Variants in PXN observed in about 807,000 individuals in gnomAD.
PXN encodes the protein testicular tissue protein Li 134.
Under a neutral mutation model 103.6 loss-of-function variants are expected in PXN, and 61 were observed. The observed-to-expected ratio is 0.59, with a 90% CI of 0.48 to 0.73. PXN has a LOEUF of 0.73. Among genes scored for constraint, PXN ranks in the 30% least tolerant of loss-of-function variants. The pLI is 0.00. For missense variants in PXN, 1,274 were observed against 1,460.3 expected, an observed-to-expected ratio of 0.87 and a Z score of 2.08; for synonymous variants, 562 against 607.8, an observed-to-expected ratio of 0.92 and a Z score of 1.11.
At position 120,215,898 on chromosome 12, in the gene PXN, G is replaced by T. The variant is rs763413151; in HGVS notation, c.2302-237C>A. The T allele has an allele frequency of 2.3e-5, 32 of 1,380,450 alleles. No homozygotes were observed. The highest frequency in any genetic ancestry group is 2.9e-5 in the Non-Finnish European group (31 of 1,061,380). The allele number at this position is 1,380,450 out of a possible 1,614,324, so 85.5% of individuals were successfully genotyped here. ...ACCAAAGGCAGAGGAAATGGCAAGG[G>T]GAGGTGGCCGGGCTCAGTGATGAGG... is the stretch of plus-strand genomic sequence containing the variant. On this transcript the variant is annotated intron_variant, in intron 9 of 14. Transcript: ENST00000637617. This position sits in a 1 kb window ranked among gnomAD's most constrained non-coding sequence, Gnocchi z 4.9.
chr12:120,221,835 C>T lies in PXN; in HGVS notation c.696-77G>A. The T allele has an allele frequency of 6.8e-7, 1 of 1,480,228 alleles. No homozygotes were observed. Among genetic ancestry groups the T allele is most frequent in the Non-Finnish European group, 9.0e-7 (1 of 1,111,570 alleles). 91.7% of individuals were successfully genotyped at this position (1,480,228 alleles called of 1,614,324 possible). On this transcript the variant is annotated intron_variant, in intron 5 of 14. Coordinates refer to ENST00000637617, the MANE Select transcript of PXN (RefSeq NM_001385981.1). This position sits in a 1 kb window ranked among gnomAD's most constrained non-coding sequence, Gnocchi z 6.6. ...CCCGGGGATCAGATCGACCTCTCAC[C>T]TCGGACACTGGGGTCTCACCATCCC...
chr12:120,216,840 C>A lies in PXN; in HGVS notation c.1992+1G>T. The A allele has an allele frequency of 6.5e-7, 1 of 1,533,810 alleles. No homozygotes were observed. Among genetic ancestry groups the A allele is most frequent in the Non-Finnish European group, 8.7e-7 (1 of 1,152,060 alleles). On this transcript the variant is annotated splice_donor_variant, in intron 8 of 14. Coordinates refer to ENST00000637617, the MANE Select transcript of PXN (RefSeq NM_001385981.1). LOFTEE classifies it high-confidence loss of function. The surrounding 1 kb of genome is among the most constrained non-coding windows in gnomAD (Gnocchi z 5.1). ...CCCAGCCATGGGCATCTCCTCGCCA[C>A]CTTCTCTACGAGCTGCCCCCCGGCC...
At position 120,222,423 on chromosome 12, in the gene PXN, C is replaced by T. The variant is rs902845222; in HGVS notation, c.695+126G>A. 6 of 1,100,478 alleles carry T rather than the reference C, an allele frequency of 5.5e-6. No individual in the cohort carries two copies. The Admixed American group carries it at 1.7e-4, about 31-fold the overall frequency. The allele number at this position is 1,100,478 out of a possible 1,614,324, so 68.2% of individuals were successfully genotyped here. On this transcript the variant is annotated intron_variant, in intron 5 of 14. Coordinates refer to ENST00000637617, the MANE Select transcript of PXN (RefSeq NM_001385981.1). The surrounding 1 kb of genome is among the most constrained non-coding windows in gnomAD (Gnocchi z 4.7). ...GTCCATGTGACTCACCACTATCCCC[C>T]CAGTGCCTGGCAAATGGCAGACACG...
rs896881412 is a variant in PXN, at chr12:120,211,574, C to T, written c.*740G>A. ...TATAGAGAAGTAAAAGCAACTCAGG[C>T]GATATGAATTCAAACCTCAGTGTAG... On this transcript the variant is annotated 3_prime_UTR_variant, in exon 15 of 15. Coordinates refer to ENST00000637617, the MANE Select transcript of PXN (RefSeq NM_001385981.1). 4.8e-5 allele frequency: 10 copies of T among 209,322 alleles called. No homozygotes were observed. The highest frequency in any genetic ancestry group is 2.3e-4 in the African/African-American group (10 of 44,016). 13.0% of individuals were successfully genotyped at this position (209,322 alleles called of 1,614,324 possible).
chr12:120,216,012 C>A lies in PXN; in HGVS notation c.2301+261G>T. On this transcript the variant is annotated intron_variant, in intron 9 of 14. Transcript: ENST00000637617. This position sits in a 1 kb window ranked among gnomAD's most constrained non-coding sequence, Gnocchi z 5.1. Reference sequence around the variant, plus strand: ...AGTGGCTTCTTTCCTCGATGGGAGCCCGGGGCAGTACTGAGGACCAGTCGA... The same window carrying A: ...AGTGGCTTCTTTCCTCGATGGGAGCACGGGGCAGTACTGAGGACCAGTCGA... The A allele has an allele frequency of 7.4e-7, 1 of 1,357,728 alleles. No individual in the cohort carries two copies. Among genetic ancestry groups the A allele is most frequent in the Non-Finnish European group, 9.5e-7 (1 of 1,056,718 alleles). 84.1% of individuals were successfully genotyped at this position (1,357,728 alleles called of 1,614,324 possible). A position where few individuals can be genotyped will look rare whatever the true frequency, so the allele number is the denominator to read the frequency against.
chr12:120,220,063 G>A lies in PXN; in HGVS notation c.860C>T (p.Ala287Val). Residue 287 changes from alanine to valine, a missense_variant, in exon 7 of 15, where the codon GCC becomes GTC. Ala to Val is a moderately conservative substitution (Grantham distance 64). This residue lies in a region of PXN where 1,178 missense variants were observed against 1,309.0 expected (regional missense o/e 0.90). Transcript: ENST00000637617. This position sits in a 1 kb window ranked among gnomAD's most constrained non-coding sequence, Gnocchi z 6.1. The stretch of plus-strand genomic sequence containing the variant: ...CGGAGCAGAGCTGGACAGCCCCGGG[G>A]CACTCAGAGCCACAGTGGAGGAGCT... ...KTSSSTVALS[A>V]PGLSSSAPSS... The A allele has an allele frequency of 1.5e-6, 2 of 1,379,106 alleles. No homozygotes were observed. The highest frequency in any genetic ancestry group is 2.0e-6 in the Non-Finnish European group (2 of 1,014,082). The allele number at this position is 1,379,106 out of a possible 1,614,324, so 85.4% of individuals were successfully genotyped here.
intron 1 of PXN, among the ~76,000 whole-genome samples, chr12:120,244,830 T>C (rs546042398): frequency 2.7e-5 from 4 of 150,066 alleles, no homozygotes; most frequent in East Asian, 2.0e-4. Flanking sequence ...TCAAAACAAA[T>C]AAATAAATAA....
At chr12:120,254,658 C>A (rs555151396) in intron 1 of PXN, among the ~76,000 whole-genome samples, 1 of 152,138 alleles carries the variant, frequency 6.6e-6, no homozygotes, top group Admixed American at 6.6e-5. Flanking sequence ...TCAAGAGATT[C>A]TCCTGCCTCA....
intron 1 of PXN, among the ~76,000 whole-genome samples, chr12:120,246,254 C>T (rs771078791): frequency 2.6e-5 from 4 of 151,200 alleles, no homozygotes; most frequent in Non-Finnish European, 3.0e-5. Flanking sequence ...AGGCTGGGCA[C>T]AGTGGCTCAT....
Position 120,211,738 on chromosome 12 carries a change from G to A in PXN, c.*576C>T. Reference sequence around the variant, plus strand: ...AAGGGGAGGGCGGGTCTAAAAGGCAGGGGCAGTCGCCAGGCCTAGGGCACT... The same window carrying A: ...AAGGGGAGGGCGGGTCTAAAAGGCAAGGGCAGTCGCCAGGCCTAGGGCACT... On this transcript the variant is annotated 3_prime_UTR_variant, in exon 15 of 15. Transcript: ENST00000637617. 5.7e-6 allele frequency: 2 copies of A among 350,702 alleles called. No individual in the cohort carries two copies. Among genetic ancestry groups the A allele is most frequent in the Admixed American group, 7.4e-5 (2 of 26,920 alleles). The allele number at this position is 350,702 out of a possible 1,614,324, so 21.7% of individuals were successfully genotyped here.
At chr12:120,235,740 G>C (rs1240621814) in intron 1 of PXN, among the ~76,000 whole-genome samples, 2 of 152,176 alleles carry the variant, frequency 1.3e-5, no homozygotes, top group East Asian at 3.9e-4. Context: ...GTGGTACAGA[G>C]AGCTCAAGAA....
At chr12:120,248,531 CA>C (rs1891586792) in intron 1 of PXN, among the ~76,000 whole-genome samples, 1 of 150,520 alleles carries the variant, frequency 6.6e-6, no homozygotes, top group African/African-American at 2.4e-5. Context: ...CACACACACA[CA>C]CACACACACC....
Position 120,217,643 on chromosome 12 carries a change from G to A in PXN, c.1717-527C>T, listed in dbSNP as rs7398775. 0.16 allele frequency among the ~76,000 whole-genome samples: 24,152 copies of A among 151,874 alleles called. 2,571 individuals carry two copies. Among genetic ancestry groups the A allele is most frequent in the East Asian group, 0.54 (2,768 of 5,156 alleles). Reference sequence around the variant, plus strand: ...CGCCCAGGCTGGAATGCAGTGGCGCGATCTGGTCTCACTGCAACCTCCGCC... The same window carrying A: ...CGCCCAGGCTGGAATGCAGTGGCGCAATCTGGTCTCACTGCAACCTCCGCC... On this transcript the variant is annotated intron_variant, in intron 7 of 14. Coordinates refer to ENST00000637617, the MANE Select transcript of PXN (RefSeq NM_001385981.1). This position sits in a 1 kb window ranked among gnomAD's most constrained non-coding sequence, Gnocchi z 4.1.
At chr12:120,244,850 A>AAATAAAT (rs977773340) in intron 1 of PXN, among the ~76,000 whole-genome samples, 9 of 151,700 alleles carry the variant, frequency 5.9e-5, no homozygotes, top group African/African-American at 2.2e-4. Context: ...AAATAAAATA[A>AAATAAAT]AATAAATAAT....
intron 1 of PXN, among the ~76,000 whole-genome samples, chr12:120,233,081 G>A (rs927924163): frequency 1.3e-5 from 2 of 152,166 alleles, no homozygotes; most frequent in Admixed American, 1.3e-4. Context: ...ACTTGGACTA[G>A]CATTCGAATC....
chr12:120,217,012 G>C lies in PXN; in HGVS notation c.1821C>G (p.Thr607=). 1 of 1,575,616 alleles carries C rather than the reference G, an allele frequency of 6.3e-7. No individual in the cohort carries two copies. The highest frequency in any genetic ancestry group is 2.3e-5 in the East Asian group (1 of 43,760). ...RRLDPATLSR[T]PSQEQLIAEL... is the part of the protein sequence containing the mutation. ...CCGCGATGAGCTGTTCCTGGGATGG[G>C]GTCCTGCTCAAGGTGGCAGGGTCCA... is the stretch of plus-strand genomic sequence containing the variant. The change falls in exon 8 of 15, where the codon ACC becomes ACG. Residue 607 remains threonine (T), a synonymous_variant. Transcript: ENST00000637617. The surrounding 1 kb of genome is among the most constrained non-coding windows in gnomAD (Gnocchi z 4.1).
Position 120,217,320 on chromosome 12 carries a change from C to T in PXN, c.1717-204G>A, listed in dbSNP as rs1165507980. The stretch of plus-strand genomic sequence containing the variant: ...AAGGGGAGGGGGCAGATCGGACTGG[C>T]TCCAGAAGCACAGGCTGCGAGCGAG... On this transcript the variant is annotated intron_variant, in intron 7 of 14. Coordinates refer to ENST00000637617, the MANE Select transcript of PXN (RefSeq NM_001385981.1). This position sits in a 1 kb window ranked among gnomAD's most constrained non-coding sequence, Gnocchi z 4.1. Among the ~76,000 whole-genome samples, 2 of 152,136 alleles carry T rather than the reference C, an allele frequency of 1.3e-5. No homozygotes were observed. Among genetic ancestry groups the T allele is most frequent in the Non-Finnish European group, 2.9e-5 (2 of 68,018 alleles).
Position 120,217,152 on chromosome 12 carries a change from A to T in PXN, c.1717-36T>A. 1 of 1,500,776 alleles carries T rather than the reference A, an allele frequency of 6.7e-7. No homozygotes were observed. The highest frequency in any genetic ancestry group is 9.0e-7 in the Non-Finnish European group (1 of 1,108,872). The allele number at this position is 1,500,776 out of a possible 1,614,324, so 93.0% of individuals were successfully genotyped here. The stretch of plus-strand genomic sequence containing the variant: ...GGGGAGGGGAGGCTGTCACCGTCCC[A>T]CTCCCAGCTTGCACAACGCTGCTCA... On this transcript the variant is annotated intron_variant, in intron 7 of 14. Transcript: ENST00000637617. The surrounding 1 kb of genome is among the most constrained non-coding windows in gnomAD (Gnocchi z 4.1).
At chr12:120,250,913 C>T (rs1010352318) in intron 1 of PXN, among the ~76,000 whole-genome samples, 2 of 152,160 alleles carry the variant, frequency 1.3e-5, no homozygotes, top group African/African-American at 2.4e-5. Context: ...AGCTTAAATT[C>T]GAAGAGTGGG....
Sources: allele counts gnomAD v4.1 joint callset (sites outside exome capture counted in the v4.1 genomes callset), GRCh38; gene constraint gnomAD v4.1.1; regional missense constraint gnomAD v4.1.1; non-coding constraint Gnocchi (gnomAD v3.1); transcripts MANE v1.5; gene names NCBI Gene and HGNC (gene_info 2026-07-23, HGNC 2026-07-21).